The following CIMAP2 variants were observed in gnomAD, a reference collection of about 807,000 sequenced individuals.
The protein encoded by CIMAP2 is ciliary microtubule associated protein 2, also known as ciliary microtubule-associated protein 2.
the CIMAP2 span, among the ~76,000 whole-genome samples, chr1:54,816,679 T>A: frequency 6.6e-6 from 1 of 152,158 alleles, no homozygotes. Flanking sequence ...CTCCAGCCTG[T>A]CTCCTGGCAT....
chr1:54,841,261 C>T, the CIMAP2 span, among the ~76,000 whole-genome samples: 766 of 152,262 alleles, frequency 5.0e-3, 8 homozygotes, highest in African/African-American at 0.016. Context: ...AAGTGTGTAA[C>T]GTAAGGGCTG....
chr1:54,817,857 C>A, the CIMAP2 span, among the ~76,000 whole-genome samples: 1 of 152,098 alleles, frequency 6.6e-6, no homozygotes, highest in African/African-American at 2.4e-5. Flanking sequence ...CTGTGTCTTC[C>A]TCCTTCTCAA....
chr1:54,806,891 C>A, the CIMAP2 span: 1 of 1,067,070 alleles, frequency 9.4e-7, no homozygotes, highest in Non-Finnish European at 1.5e-6. Context: ...GAGCTTGCTC[C>A]AAAGTCACCT....
At chr1:54,810,572 C>T in the CIMAP2 span, among the ~76,000 whole-genome samples, 232 of 152,286 alleles carry the variant, frequency 1.5e-3, no homozygotes, top group South Asian at 7.5e-3. Context: ...CTGCCCTTCC[C>T]GCCCCATCCT....
At chr1:54,816,374 C>G in the CIMAP2 span, among the ~76,000 whole-genome samples, 1 of 152,144 alleles carries the variant, frequency 6.6e-6, no homozygotes, top group Admixed American at 6.5e-5. Context: ...CTGCCCTTGC[C>G]GTGTTACCTT....
At chr1:54,817,614 TA>T in the CIMAP2 span, among the ~76,000 whole-genome samples, 6 of 152,238 alleles carry the variant, frequency 3.9e-5, no homozygotes, top group African/African-American at 1.4e-4. Flanking sequence ...CAACAGCTTG[TA>T]AATGTTAGCT....
the CIMAP2 span, among the ~76,000 whole-genome samples, chr1:54,806,805 T>TGGCG: frequency 0.22 from 3,521 of 15,902 alleles, 146 homozygotes; most frequent in African/African-American, 0.38. Context: ...GAGGAGGAGC[T>TGGCG]GGTGGGTGGG....
chr1:54,811,765 G>GCGGGGGGGGGGCCC, the CIMAP2 span: 1 of 1,301,328 alleles, frequency 7.7e-7, no homozygotes, highest in Non-Finnish European at 1.1e-6. Flanking sequence ...GGTTCTGACA[G>GCGGGGGGGGGGCCC]CCTCCATGCC....
chr1:54,807,855 T>C, the CIMAP2 span: 2 of 1,544,674 alleles, frequency 1.3e-6, no homozygotes. Context: ...TTCCCAAGTT[T>C]AAGGCTTTCA....
the CIMAP2 span, among the ~76,000 whole-genome samples, chr1:54,815,799 A>T: frequency 6.6e-6 from 1 of 151,928 alleles, no homozygotes; most frequent in Non-Finnish European, 1.5e-5. Context: ...CCCCCAGAGC[A>T]TTTAACAGCT....
the CIMAP2 span, among the ~76,000 whole-genome samples, chr1:54,809,606 A>G: frequency 1.3e-3 from 194 of 152,148 alleles, no homozygotes; most frequent in Non-Finnish European, 1.8e-3. Flanking sequence ...TGAAGCTACC[A>G]ACTGGCAGAA....
At chr1:54,836,334 C>T in the CIMAP2 span, among the ~76,000 whole-genome samples, 2 of 151,146 alleles carry the variant, frequency 1.3e-5, no homozygotes, top group Admixed American at 1.3e-4. Flanking sequence ...CCTGCCTTCC[C>T]TGTGTCCCCC....
At chr1:54,829,299 C>A in the CIMAP2 span, among the ~76,000 whole-genome samples, 5 of 152,184 alleles carry the variant, frequency 3.3e-5, no homozygotes, top group African/African-American at 1.2e-4. Context: ...TCTGTAAAAA[C>A]AGAAGAATTT....
chr1:54,811,773 G>GCCCCCACCCCCCCCC, the CIMAP2 span: 1 of 1,325,050 alleles, frequency 7.5e-7, no homozygotes, highest in Non-Finnish European at 1.0e-6. Context: ...CAGCCTCCAT[G>GCCCCCACCCCCCCCC]CCCCCACCCC....
chr1:54,806,984 G>A, the CIMAP2 span: 18 of 1,610,870 alleles, frequency 1.1e-5, no homozygotes, highest in South Asian at 3.3e-5. Flanking sequence ...CTGGGCCACC[G>A]TCCCTCCCTA....
At chr1:54,832,534 C>T in the CIMAP2 span, among the ~76,000 whole-genome samples, 1 of 152,116 alleles carries the variant, frequency 6.6e-6, no homozygotes, top group Non-Finnish European at 1.5e-5. Flanking sequence ...GAGTTACAGA[C>T]TATTTAGACA....
chr1:54,829,587 T>G, the CIMAP2 span, among the ~76,000 whole-genome samples: 1 of 152,240 alleles, frequency 6.6e-6, no homozygotes, highest in East Asian at 1.9e-4. Context: ...TGTGCTTGGT[T>G]CTGTCCTGAG....
the CIMAP2 span, among the ~76,000 whole-genome samples, chr1:54,839,913 C>G: frequency 3.3e-5 from 5 of 152,096 alleles, no homozygotes; most frequent in African/African-American, 1.2e-4. Flanking sequence ...CTACACCCAG[C>G]TAATTTTTAA....
the CIMAP2 span, among the ~76,000 whole-genome samples, chr1:54,838,360 G>A: frequency 0.037 from 5,642 of 151,996 alleles, 388 homozygotes; most frequent in African/African-American, 0.12. Context: ...GTGGGTGCCT[G>A]TAGTCCCAAC....
Sources: gnomAD v4.1 joint callset for allele counts (sites outside exome capture counted in the v4.1 genomes callset) on GRCh38, gnomAD v4.1.1 for gene constraint, MANE v1.5 for transcripts, NCBI Gene and HGNC (gene_info 2026-07-23, HGNC 2026-07-21) for gene names.